GRID1: variants seen among roughly 807,000 people sequenced by gnomAD.
GRID1 encodes the protein glutamate receptor ionotropic, delta-1.
Under a neutral mutation model 98.0 loss-of-function variants are expected in GRID1, and 28 were observed. The ratio of observed to expected loss-of-function variants is 0.29; its 90% CI spans 0.21 to 0.39. The LOEUF is 0.39. Among genes scored for constraint, GRID1 ranks in the 10% least tolerant of loss-of-function variants. The probability of loss-of-function intolerance (pLI) is 1.00; values close to 1 mark genes in which losing one functional copy is unlikely to be tolerated. For missense variants in GRID1, 1,111 were observed against 1,340.5 expected, an observed-to-expected ratio of 0.83 and a Z score of 2.67; for synonymous variants, 553 against 538.5, an observed-to-expected ratio of 1.03 and a Z score of -0.37.
At chr10:85,873,839 C>T (rs1843302296) in intron 5 of GRID1, among the ~76,000 whole-genome samples, 1 of 152,214 alleles carries the variant, frequency 6.6e-6, no homozygotes, top group Admixed American at 6.5e-5. Flanking sequence ...CTTCAACAAG[C>T]AACGTCTCTG....
intron 13 of GRID1, among the ~76,000 whole-genome samples, chr10:85,632,563 T>A (rs1397531713): frequency 1.3e-5 from 2 of 151,814 alleles, no homozygotes; most frequent in African/African-American, 2.4e-5. Context: ...TAACATATAC[T>A]TTTTAAGGTT....
intron 13 of GRID1, among the ~76,000 whole-genome samples, chr10:85,634,475 T>A (rs1319056253): frequency 6.6e-6 from 1 of 152,088 alleles, no homozygotes; most frequent in Admixed American, 6.6e-5. Context: ...AAGATAATGA[T>A]GACAATGATA....
chr10:85,797,416 T>G (rs1842535045), intron 8 of GRID1, among the ~76,000 whole-genome samples: 1 of 151,822 alleles, frequency 6.6e-6, no homozygotes, highest in South Asian at 2.1e-4. Flanking sequence ...TCTGTACTTA[T>G]TTTTATTTTA....
At chr10:86,108,056 G>A (rs1428708993) in intron 4 of GRID1, among the ~76,000 whole-genome samples, 1 of 152,132 alleles carries the variant, frequency 6.6e-6, no homozygotes, top group Non-Finnish European at 1.5e-5. Flanking sequence ...AACACAAGCC[G>A]CCTACAGACA....
intron 2 of GRID1, among the ~76,000 whole-genome samples, chr10:86,299,481 C>T (rs988198665): frequency 6.6e-6 from 1 of 151,590 alleles, no homozygotes; most frequent in African/African-American, 2.4e-5. Context: ...TATCCCTCCC[C>T]CCTCGCCCCC....
intron 4 of GRID1, among the ~76,000 whole-genome samples, chr10:86,095,229 T>G (rs1020189085): frequency 2.0e-5 from 3 of 152,168 alleles, no homozygotes; most frequent in African/African-American, 2.4e-5. Flanking sequence ...GACTTAAACC[T>G]AAGACCTGAA....
chr10:86,171,881 G>A (rs1414948697), intron 3 of GRID1, among the ~76,000 whole-genome samples: 1 of 152,078 alleles, frequency 6.6e-6, no homozygotes, highest in Non-Finnish European at 1.5e-5. Flanking sequence ...AGATTTCAGC[G>A]AAGCACCTGG....
chr10:86,160,785 G>T (rs1845310810), intron 3 of GRID1, among the ~76,000 whole-genome samples: 1 of 152,380 alleles, frequency 6.6e-6, no homozygotes, highest in East Asian at 1.9e-4. Context: ...AAGGCTCAAA[G>T]ATGTGAAGTG....
intron 4 of GRID1, among the ~76,000 whole-genome samples, chr10:85,952,716 C>G (rs1188963434): frequency 6.6e-6 from 1 of 152,126 alleles, no homozygotes; most frequent in Non-Finnish European, 1.5e-5. Context: ...CATGGGTTCT[C>G]TCTGGTATGA....
intron 4 of GRID1, among the ~76,000 whole-genome samples, chr10:85,932,416 A>G (rs1227973355): frequency 6.6e-6 from 1 of 152,038 alleles, no homozygotes; most frequent in African/African-American, 2.4e-5. Context: ...GAGTCTCATT[A>G]TGTTACCCTG....
Position 85,939,754 on chromosome 10 carries a change from T to C in GRID1, c.727-23515A>G, listed in dbSNP as rs118102261. On this transcript the variant is annotated intron_variant, in intron 4 of 15. Transcript: ENST00000327946. ...TCTTTCGTCCTGTAACATAACATAT[T>C]CATTGGTTCCAAGAGTTAAGACAGA... 9.1e-3 allele frequency among the ~76,000 whole-genome samples: 1,384 copies of C among 152,196 alleles called. 7 individuals carry two copies. Among genetic ancestry groups the C allele is most frequent in the Admixed American group, 0.015 (228 of 15,278 alleles).
chr10:85,679,500 G>C (rs1273647475), intron 12 of GRID1, among the ~76,000 whole-genome samples: 3 of 152,212 alleles, frequency 2.0e-5, no homozygotes, highest in Admixed American at 6.5e-5. Flanking sequence ...AATGGATCTG[G>C]GGAGGCCTGC....
intron 2 of GRID1, among the ~76,000 whole-genome samples, chr10:86,242,752 G>A (rs1453410153): frequency 1.3e-5 from 2 of 152,184 alleles, no homozygotes; most frequent in Non-Finnish European, 2.9e-5. Context: ...CTCTCCATGT[G>A]CCAGATACTG....
chr10:86,021,344 G>A (rs937801561), intron 4 of GRID1, among the ~76,000 whole-genome samples: 2 of 152,140 alleles, frequency 1.3e-5, no homozygotes. Context: ...ACAATGCTGT[G>A]ATCTGATCTG....
intron 8 of GRID1, among the ~76,000 whole-genome samples, chr10:85,816,740 AG>A (rs139731492): frequency 0.088 from 13,380 of 152,120 alleles, 732 homozygotes; most frequent in Middle Eastern, 0.17. Flanking sequence ...GTACATGTGC[AG>A]GTTTGTTATA....
intron 12 of GRID1, among the ~76,000 whole-genome samples, chr10:85,690,982 T>C (rs538777358): frequency 6.6e-6 from 1 of 152,338 alleles, no homozygotes; most frequent in African/African-American, 2.4e-5. Context: ...TATTCATTTA[T>C]TGAGGACCAA....
At chr10:85,930,743 AT>A (rs1323107682) in intron 4 of GRID1, among the ~76,000 whole-genome samples, 1 of 152,102 alleles carries the variant, frequency 6.6e-6, no homozygotes, top group Non-Finnish European at 1.5e-5. Flanking sequence ...TAACTTTGCT[AT>A]CATATTGATT....
At chr10:85,747,193 G>C (rs1163280071) in intron 8 of GRID1, among the ~76,000 whole-genome samples, 1 of 152,108 alleles carries the variant, frequency 6.6e-6, no homozygotes, top group African/African-American at 2.4e-5. Flanking sequence ...CAGAACTTCT[G>C]AATCAAAGCC....
intron 3 of GRID1, among the ~76,000 whole-genome samples, chr10:86,149,636 C>T (rs1845135410): frequency 6.6e-6 from 1 of 152,216 alleles, no homozygotes; most frequent in Non-Finnish European, 1.5e-5. Context: ...TCTACTCTGG[C>T]ACTTTCGAAA....
Sources: gnomAD v4.1 joint callset for allele counts (sites outside exome capture counted in the v4.1 genomes callset) on GRCh38, gnomAD v4.1.1 for gene constraint, MANE v1.5 for transcripts, NCBI Gene and HGNC (gene_info 2026-07-23, HGNC 2026-07-21) for gene names.